The following KCTD16 variants were observed in gnomAD, a reference collection of about 807,000 sequenced individuals.
KCTD16 encodes the protein potassium channel tetramerization domain containing 16, also known as BTB/POZ domain-containing protein KCTD16.
KCTD16 carries 13 observed loss-of-function variants against 33.2 expected under a neutral mutation model. The observed-to-expected ratio is 0.39, with a 90% CI of 0.25 to 0.62. KCTD16 has a LOEUF of 0.62. KCTD16 is among the 20% of genes least tolerant of loss of function. KCTD16 has a pLI of 0.50. For missense variants in KCTD16, 441 were observed against 525.1 expected (o/e 0.84, Z 1.57); for synonymous variants, 197 against 195.3 (o/e 1.01, Z -0.07).
intron 3 of KCTD16, among the ~76,000 whole-genome samples, chr5:144,311,350 A>G (rs1751763410): frequency 6.6e-6 from 1 of 152,214 alleles, no homozygotes; most frequent in Non-Finnish European, 1.5e-5. Context: ...TATGTGAGTC[A>G]TTACTTAGTA....
At chr5:144,430,844 A>G (rs1413586607) in intron 3 of KCTD16, among the ~76,000 whole-genome samples, 1 of 152,126 alleles carries the variant, frequency 6.6e-6, no homozygotes, top group Non-Finnish European at 1.5e-5. Flanking sequence ...ACATCCCTGG[A>G]ATGAGTTTTC....
At chr5:144,453,502 T>C (rs1753993602) in intron 3 of KCTD16, among the ~76,000 whole-genome samples, 1 of 152,178 alleles carries the variant, frequency 6.6e-6, no homozygotes, top group South Asian at 2.1e-4. Flanking sequence ...GATGAGGGGT[T>C]TTAGTGTTAG....
chr5:144,387,941 G>C (rs1298494658), intron 3 of KCTD16, among the ~76,000 whole-genome samples: 1 of 151,674 alleles, frequency 6.6e-6, no homozygotes, highest in Non-Finnish European at 1.5e-5. Context: ...ACTCTAGTAA[G>C]AAGCAGAGCT....
chr5:144,422,244 G>T (rs1051504274), intron 3 of KCTD16, among the ~76,000 whole-genome samples: 7 of 152,142 alleles, frequency 4.6e-5, no homozygotes, highest in Non-Finnish European at 1.0e-4. Context: ...TTGTCAAAGA[G>T]AATCAGGGAC....
chr5:144,255,292 G>C (rs1250220716), intron 3 of KCTD16, among the ~76,000 whole-genome samples: 11 of 152,134 alleles, frequency 7.2e-5, no homozygotes, highest in Admixed American at 1.3e-4. Context: ...AGGAGTGCAG[G>C]TATCTCTTTG....
At chr5:144,357,619 G>A (rs1474076029) in intron 3 of KCTD16, among the ~76,000 whole-genome samples, 1 of 152,140 alleles carries the variant, frequency 6.6e-6, no homozygotes, top group Non-Finnish European at 1.5e-5. Context: ...CTCAGTGGAT[G>A]GTGCAATAAC....
chr5:144,321,529 G>A (rs1174624292), intron 3 of KCTD16, among the ~76,000 whole-genome samples: 1 of 152,110 alleles, frequency 6.6e-6, no homozygotes, highest in East Asian at 1.9e-4. Context: ...TTCTCTGCTT[G>A]GCTGTTTAAA....
At chr5:144,281,950 T>C (rs2126855522) in intron 3 of KCTD16, among the ~76,000 whole-genome samples, 1 of 152,364 alleles carries the variant, frequency 6.6e-6, no homozygotes, top group Non-Finnish European at 1.5e-5. Flanking sequence ...AATGTCCCTC[T>C]TTATCTCTGG....
chr5:144,272,508 G>T (rs1755326458), intron 3 of KCTD16, among the ~76,000 whole-genome samples: 1 of 151,968 alleles, frequency 6.6e-6, no homozygotes, highest in African/African-American at 2.4e-5. Flanking sequence ...ACCCCCAAAA[G>T]CCAAAACAAC....
chr5:144,187,152 C>T (rs1476448413), intron 2 of KCTD16, among the ~76,000 whole-genome samples: 2 of 152,060 alleles, frequency 1.3e-5, no homozygotes, highest in Non-Finnish European at 2.9e-5. Context: ...TGACAAATCT[C>T]ATTTATTTCT....
At chr5:144,226,251 A>G (rs188473949) in intron 3 of KCTD16, among the ~76,000 whole-genome samples, 29 of 152,280 alleles carry the variant, frequency 1.9e-4, no homozygotes, top group East Asian at 1.2e-3. Flanking sequence ...TATTTCCCCT[A>G]TTTTACAGAT....
chr5:144,186,254 A>C (rs1000629200), intron 2 of KCTD16, among the ~76,000 whole-genome samples: 2 of 151,978 alleles, frequency 1.3e-5, no homozygotes, highest in Non-Finnish European at 2.9e-5. Context: ...GAAAACAATT[A>C]GAGTTTACAC....
At chr5:144,173,540 G>A (rs575178108) in intron 1 of KCTD16, among the ~76,000 whole-genome samples, 2 of 152,278 alleles carry the variant, frequency 1.3e-5, no homozygotes, top group South Asian at 2.1e-4. Flanking sequence ...ATACCTGGGT[G>A]ATGAAATAAT....
chr5:144,319,035 T>G (rs1752003620), intron 3 of KCTD16, among the ~76,000 whole-genome samples: 2 of 152,052 alleles, frequency 1.3e-5, no homozygotes, highest in South Asian at 4.2e-4. Flanking sequence ...TTCAAATAAC[T>G]AATGCATGAG....
intron 2 of KCTD16, among the ~76,000 whole-genome samples, chr5:144,185,811 A>G (rs1752714008): frequency 6.6e-6 from 1 of 152,194 alleles, no homozygotes; most frequent in African/African-American, 2.4e-5. Context: ...AGATAATAAC[A>G]ATAGGTAACA....
At chr5:144,431,604 G>A (rs1405709812) in intron 3 of KCTD16, among the ~76,000 whole-genome samples, 1 of 152,026 alleles carries the variant, frequency 6.6e-6, no homozygotes, top group Non-Finnish European at 1.5e-5. Context: ...CAAAATTTTT[G>A]GTCCCTGAGT....
chr5:144,283,814 T>G (rs1360030638), intron 3 of KCTD16, among the ~76,000 whole-genome samples: 1 of 152,208 alleles, frequency 6.6e-6, no homozygotes, highest in Non-Finnish European at 1.5e-5. Flanking sequence ...ATAAGGACTT[T>G]CATTACCTGG....
At chr5:144,250,858 A>G (rs994334368) in intron 3 of KCTD16, among the ~76,000 whole-genome samples, 3 of 152,240 alleles carry the variant, frequency 2.0e-5, no homozygotes, top group Non-Finnish European at 4.4e-5. Flanking sequence ...GCATAATTGC[A>G]TTCATGATAT....
At chr5:144,241,673 C>A (rs1440250993) in intron 3 of KCTD16, among the ~76,000 whole-genome samples, 2 of 152,104 alleles carry the variant, frequency 1.3e-5, no homozygotes, top group African/African-American at 4.8e-5. Context: ...GGAGAGAGCA[C>A]AATGCAGTAA....
Sources: gnomAD v4.1 joint callset for allele counts (sites outside exome capture counted in the v4.1 genomes callset) on GRCh38, gnomAD v4.1.1 for gene constraint, MANE v1.5 for transcripts, NCBI Gene and HGNC (gene_info 2026-07-23, HGNC 2026-07-21) for gene names.